MAP3K1: variants seen among roughly 807,000 people sequenced by gnomAD.
MAP3K1 encodes mitogen-activated protein kinase kinase kinase 1.
In MAP3K1, 36 loss-of-function variants were observed where a neutral mutation model predicts 144.2. That is an observed-to-expected ratio of 0.25 (90% CI 0.19 to 0.33). The LOEUF (loss-of-function observed/expected upper bound fraction) is 0.33, where lower values mean the gene tolerates loss of function less well. Among genes scored for constraint, MAP3K1 ranks in the 10% least tolerant of loss-of-function variants. MAP3K1 has a pLI of 1.00. For missense variants in MAP3K1, 1,650 were observed against 1,881.9 expected, an observed-to-expected ratio of 0.88 and a Z score of 2.28; for synonymous variants, 718 against 688.7, an observed-to-expected ratio of 1.04 and a Z score of -0.67.
chr5:56,863,397 C>T (rs1747578776), intron 3 of MAP3K1, among the ~76,000 whole-genome samples: 1 of 152,202 alleles, frequency 6.6e-6, no homozygotes, highest in South Asian at 2.1e-4. Flanking sequence ...TAAATGGGAT[C>T]ACTTAATAGG....
At chr5:56,837,734 CTGCTGGGGCAGGAGACATAAGCTTGA>C (rs1746695281) in intron 1 of MAP3K1, among the ~76,000 whole-genome samples, 1 of 152,218 alleles carries the variant, frequency 6.6e-6, no homozygotes, top group South Asian at 2.1e-4. Flanking sequence ...GCCAGGCTTT[CTGCTGGGGCAGGAGACATAAGCTTGA>C]GACCCATTTC....
intron 3 of MAP3K1, among the ~76,000 whole-genome samples, chr5:56,863,754 A>G (rs1252626162): frequency 6.6e-6 from 1 of 152,212 alleles, no homozygotes; most frequent in African/African-American, 2.4e-5. Flanking sequence ...CCAGCACTAT[A>G]TGAGAATTCT....
rs1747694169 is a variant in MAP3K1, at chr5:56,866,991, T to C, written c.1301+1014T>C. On this transcript the variant is annotated intron_variant, in intron 6 of 19. Transcript: ENST00000399503. ...TATAGCCAGAACCTGGGTATCTTTG[T>C]TTTACCCCTCATCTCTTCTAAATAA... Among the ~76,000 whole-genome samples, 4 of 152,250 alleles carry C rather than the reference T, an allele frequency of 2.6e-5. No homozygotes were observed. The South Asian group carries it at 8.3e-4, about 32-fold the overall frequency.
At position 56,882,290 on chromosome 5, in the gene MAP3K1, C is replaced by T. The variant is rs1160803088; in HGVS notation, c.3090C>T (p.His1030=). Residue 1030 remains histidine (H), a synonymous_variant, in exon 14 of 20, where the codon CAC becomes CAT. Coordinates refer to ENST00000399503, the MANE Select transcript of MAP3K1 (RefSeq NM_005921.2). ...AGCGCAAGTTTTCTCTACAATTCCA[C>T]AGAAACTGTCCTGAAAACAAAGACT... ...QTQRKFSLQF[H]RNCPENKDSD... is the part of the protein sequence containing the mutation. The T allele has an allele frequency of 6.2e-7, 1 of 1,614,128 alleles. No individual in the cohort carries two copies. The highest frequency in any genetic ancestry group is 8.5e-7 in the Non-Finnish European group (1 of 1,180,010).
chr5:56,891,139 C>T (rs1748536208), intron 19 of MAP3K1, among the ~76,000 whole-genome samples: 1 of 44,274 alleles, frequency 2.3e-5, no homozygotes, highest in South Asian at 1.6e-3. Flanking sequence ...CACACACAGA[C>T]ACACACACAC....
chr5:56,838,875 T>C (rs1276052599), intron 1 of MAP3K1, among the ~76,000 whole-genome samples: 1 of 152,172 alleles, frequency 6.6e-6, no homozygotes, highest in Non-Finnish European at 1.5e-5. Context: ...CATGTTAATG[T>C]ACTCACTGGC....
intron 1 of MAP3K1, among the ~76,000 whole-genome samples, chr5:56,816,832 A>G (rs181345381): frequency 6.6e-6 from 1 of 152,236 alleles, no homozygotes; most frequent in Non-Finnish European, 1.5e-5. Context: ...CTGCACTGCT[A>G]AGTCACTTGA....
At chr5:56,869,445 G>T (rs2111904597) in intron 6 of MAP3K1, among the ~76,000 whole-genome samples, 1 of 151,708 alleles carries the variant, frequency 6.6e-6, no homozygotes, top group Non-Finnish European at 1.5e-5. Context: ...ACTTAAAAAT[G>T]GTTAAGATGG....
rs1188647175 is a variant in MAP3K1 at position 56,815,834 on chromosome 5, C to T, written c.261C>T (p.Ser87=). 3 of 1,410,416 alleles carry T rather than the reference C, an allele frequency of 2.1e-6. No individual in the cohort carries two copies. Among genetic ancestry groups the T allele is most frequent in the Non-Finnish European group, 2.8e-6 (3 of 1,078,058 alleles). 87.4% of individuals were successfully genotyped at this position (1,410,416 alleles called of 1,614,324 possible). Residue 87 remains serine, a synonymous_variant, in exon 1 of 20, where the codon TCC becomes TCT. Coordinates refer to ENST00000399503, the MANE Select transcript of MAP3K1 (RefSeq NM_005921.2). The part of the protein sequence containing the change: ...PLFLAASPPA[S]STSPSPEPAD... ...TCCTTGCCGCCTCACCGCCGGCCTC[C>T]TCGACTTCCCCGTCGCCGGAGCCCG...
chr5:56,893,099 A>G (rs754349021), intron 19 of MAP3K1, among the ~76,000 whole-genome samples: 11 of 152,136 alleles, frequency 7.2e-5, no homozygotes, highest in South Asian at 2.1e-4. Context: ...TGTGTTTTCT[A>G]TGTATTAAAT....
chr5:56,816,189 C>A (rs1456073595), intron 1 of MAP3K1, 134 bp downstream of exon 1: 16 of 918,518 alleles, frequency 1.7e-5, no homozygotes, highest in Non-Finnish European at 2.2e-5. Flanking sequence ...GGACCTACGC[C>A]CCTGAGCACC....
chr5:56,825,803 C>T (rs1177648560), intron 1 of MAP3K1, among the ~76,000 whole-genome samples: 1 of 152,148 alleles, frequency 6.6e-6, no homozygotes, highest in East Asian at 1.9e-4. Context: ...TGTCAACCCA[C>T]TGTCAACCTT....
chr5:56,827,867 A>G (rs1242871997), intron 1 of MAP3K1, among the ~76,000 whole-genome samples: 1 of 151,584 alleles, frequency 6.6e-6, no homozygotes, highest in Non-Finnish European at 1.5e-5. Flanking sequence ...TCCATCTCAA[A>G]AAAAAAAAAG....
intron 1 of MAP3K1, among the ~76,000 whole-genome samples, chr5:56,826,313 G>A (rs957170829): frequency 2.0e-5 from 3 of 152,094 alleles, no homozygotes; most frequent in South Asian, 4.2e-4. Context: ...CAAGTTCCTC[G>A]ATATCTGAGT....
In MAP3K1 at chr5:56,859,934, A is replaced by G. The variant is rs1437960606; in HGVS notation, c.834+19A>G. 6 of 1,570,954 alleles carry G rather than the reference A, an allele frequency of 3.8e-6. No homozygotes were observed. In the Admixed American group the frequency reaches 1.0e-4, roughly 27 times the overall value. On this transcript the variant is annotated intron_variant, in intron 3 of 19. Transcript: ENST00000399503. ...AGTGCCTGTAAGTTAATGTTACAAC[A>G]AATATGTTAGTTTTTATAATTTTTA...
intron 6 of MAP3K1, among the ~76,000 whole-genome samples, chr5:56,867,816 CAT>C (rs1324682321): frequency 6.6e-6 from 1 of 152,106 alleles, no homozygotes; most frequent in Non-Finnish European, 1.5e-5. Flanking sequence ...GACTGTTTCT[CAT>C]AGTATTATGG....
chr5:56,858,994 T>C (rs1338003795), intron 2 of MAP3K1, among the ~76,000 whole-genome samples: 2 of 150,862 alleles, frequency 1.3e-5, no homozygotes, highest in African/African-American at 4.9e-5. Context: ...AAAGGTCTGC[T>C]GAGCTTCAGT....
chr5:56,853,503 A>G (rs964278322), intron 1 of MAP3K1, among the ~76,000 whole-genome samples: 2 of 152,216 alleles, frequency 1.3e-5, no homozygotes, highest in African/African-American at 4.8e-5. Flanking sequence ...ATTATGAGCC[A>G]GACATGCTTA....
rs931680885 is a variant in MAP3K1 at position 56,893,739 on chromosome 5, G to A, written c.*59G>A. On this transcript the variant is annotated 3_prime_UTR_variant, in exon 20 of 20. Coordinates refer to ENST00000399503, the MANE Select transcript of MAP3K1 (RefSeq NM_005921.2). ...ATGCTCAACAAGAGAAAAAAAACTT[G>A]TGGGGAACCACATTGATATTCTACT... 6.3e-7 allele frequency: 1 copy of A among 1,581,302 alleles called. No individual in the cohort carries two copies.
Sources: allele counts gnomAD v4.1 joint callset (sites outside exome capture counted in the v4.1 genomes callset), GRCh38; gene constraint gnomAD v4.1.1; transcripts MANE v1.5; gene names NCBI Gene and HGNC (gene_info 2026-07-23, HGNC 2026-07-21).